SORCS2: variants seen among roughly 807,000 people sequenced by gnomAD.
The protein encoded by SORCS2 is VPS10 domain-containing receptor SorCS2.
SORCS2 carries 100 observed loss-of-function variants against 141.6 expected under a neutral mutation model. The observed-to-expected ratio is 0.71, with a 90% CI of 0.60 to 0.83. The LOEUF is 0.83. SORCS2 is among the 40% of genes least tolerant of loss of function. SORCS2 has a pLI of 0.00. For synonymous variants in SORCS2, 789 were observed against 676.9 expected (o/e 1.17, Z -2.57); for missense variants, 1,646 against 1,560.2 (o/e 1.05, Z -0.93).
intron 2 of SORCS2, among the ~76,000 whole-genome samples, chr4:7,413,536 C>T (rs994626534): frequency 5.9e-5 from 9 of 151,674 alleles, no homozygotes; most frequent in African/African-American, 9.7e-5. Context: ...TACATGCGCC[C>T]GCCACCATGC....
chr4:7,419,599 G>A (rs1725910240), intron 2 of SORCS2, among the ~76,000 whole-genome samples: 1 of 152,244 alleles, frequency 6.6e-6, no homozygotes, highest in African/African-American at 2.4e-5. Context: ...ATTTCTTCCT[G>A]TGGAAGCTCA....
chr4:7,622,789 T>A (rs1453825047), intron 3 of SORCS2, among the ~76,000 whole-genome samples: 2 of 152,088 alleles, frequency 1.3e-5, no homozygotes, highest in South Asian at 4.2e-4. Context: ...CTGGGAAATC[T>A]CCCACTCCAG....
chr4:7,425,030 T>C (rs1265053518), intron 2 of SORCS2, among the ~76,000 whole-genome samples: 2 of 152,184 alleles, frequency 1.3e-5, no homozygotes, highest in African/African-American at 4.8e-5. Context: ...TGGGCCGAGC[T>C]CAGGGACACA....
rs1560170177 is a variant in SORCS2, at chr4:7,294,676, TCC to T, written c.480+101551_480+101552del. 2.6e-3 allele frequency among the ~76,000 whole-genome samples: 266 copies of T among 100,962 alleles called. 4 individuals carry two copies. Among genetic ancestry groups the T allele is most frequent in the African/African-American group, 0.01 (258 of 25,720 alleles). 66.2% of individuals were successfully genotyped at this position (100,962 alleles called of 152,430 possible). A position where few individuals can be genotyped will look rare whatever the true frequency, so the allele number is the denominator to read the frequency against. On this transcript the variant is annotated intron_variant, in intron 1 of 26. Coordinates refer to ENST00000507866, the MANE Select transcript of SORCS2 (RefSeq NM_020777.3). ...CTCTCCCTCTTCCTCTCCCTCCTCC[TCC>T]TCCTCCTCCCCCTCATCCTCTCCCT...
chr4:7,482,873 G>T (rs2109376014), intron 2 of SORCS2, among the ~76,000 whole-genome samples: 1 of 151,726 alleles, frequency 6.6e-6, no homozygotes, highest in African/African-American at 2.4e-5. Context: ...ACCCCTGGCT[G>T]CTGTGGTGGG....
chr4:7,606,596 C>T (rs958012929), intron 3 of SORCS2, among the ~76,000 whole-genome samples: 4 of 152,078 alleles, frequency 2.6e-5, no homozygotes, highest in African/African-American at 9.7e-5. Context: ...GAGGTGCGTC[C>T]TGTGCCTTGA....
intron 3 of SORCS2, among the ~76,000 whole-genome samples, chr4:7,589,178 A>G (rs1032400303): frequency 1.3e-5 from 2 of 152,210 alleles, no homozygotes; most frequent in African/African-American, 4.8e-5. Context: ...AGAAGCCTGC[A>G]AAGTCTATCT....
chr4:7,447,585 G>T (rs1490032963), intron 2 of SORCS2, among the ~76,000 whole-genome samples: 2 of 151,870 alleles, frequency 1.3e-5, no homozygotes, highest in East Asian at 3.9e-4. Flanking sequence ...TGTTTTGCAG[G>T]GAGAGATAGA....
chr4:7,708,456 G>A (rs1294171507), intron 14 of SORCS2, among the ~76,000 whole-genome samples: 3 of 152,272 alleles, frequency 2.0e-5, no homozygotes, highest in African/African-American at 7.2e-5. Flanking sequence ...TACCCGCCAC[G>A]GGTGGGTCCC....
chr4:7,734,331 G>A lies in SORCS2; in HGVS notation c.3268G>A (p.Gly1090Arg). 6.3e-7 allele frequency: 1 copy of A among 1,597,458 alleles called. No individual in the cohort carries two copies. The highest frequency in any genetic ancestry group is 2.3e-5 in the East Asian group (1 of 44,246). Residue 1090 changes from glycine (G) to arginine (R), a missense_variant, in exon 25 of 27, where the codon GGG becomes AGG. Coordinates refer to ENST00000507866, the MANE Select transcript of SORCS2 (RefSeq NM_020777.3). ...YWAVVVLFVI[G>R]LFAAGAFILY... ...GGCGGTAGTGGTGCTGTTTGTCATC[G>A]GGCTCTTCGCAGCGGGAGCCTTCAT...
chr4:7,210,793 C>G (rs1728018312), intron 1 of SORCS2, among the ~76,000 whole-genome samples: 1 of 152,262 alleles, frequency 6.6e-6, no homozygotes, highest in South Asian at 2.1e-4. Context: ...TTGCACCAAG[C>G]AGTGTCCACT....
intron 2 of SORCS2, among the ~76,000 whole-genome samples, chr4:7,411,201 A>G (rs1174845720): frequency 2.0e-5 from 3 of 150,960 alleles, no homozygotes; most frequent in Non-Finnish European, 3.0e-5. Flanking sequence ...TGATCCACCC[A>G]CCTTGGCCTC....
chr4:7,691,415 G>A (rs1278704264), intron 11 of SORCS2, among the ~76,000 whole-genome samples: 1 of 152,220 alleles, frequency 6.6e-6, no homozygotes, highest in East Asian at 1.9e-4. Flanking sequence ...AGTGCAGGGA[G>A]TGGCTGGAGG....
intron 3 of SORCS2, among the ~76,000 whole-genome samples, chr4:7,589,984 A>G (rs1187809829): frequency 6.6e-6 from 1 of 152,140 alleles, no homozygotes; most frequent in African/African-American, 2.4e-5. Flanking sequence ...GGGCTATTGG[A>G]GCAGCAAGGA....
chr4:7,574,920 C>T (rs73214678), intron 3 of SORCS2, among the ~76,000 whole-genome samples: 2 of 152,122 alleles, frequency 1.3e-5, no homozygotes, highest in Non-Finnish European at 2.9e-5. Context: ...GCAGAAAAGT[C>T]GCCATGTCCC....
At chr4:7,427,143 G>A (rs1726499552) in intron 2 of SORCS2, among the ~76,000 whole-genome samples, 1 of 152,112 alleles carries the variant, frequency 6.6e-6, no homozygotes, top group South Asian at 2.1e-4. Flanking sequence ...GGCGCAGCCG[G>A]AGCTCCAGGG....
intron 1 of SORCS2, among the ~76,000 whole-genome samples, chr4:7,341,458 T>C (rs990062855): frequency 1.3e-5 from 2 of 152,234 alleles, no homozygotes; most frequent in Admixed American, 6.5e-5. Context: ...AGGTTTGGCC[T>C]TCCTGGCTGG....
intron 1 of SORCS2, among the ~76,000 whole-genome samples, chr4:7,317,463 T>A (rs1718633188): frequency 6.6e-6 from 1 of 152,210 alleles, no homozygotes; most frequent in Non-Finnish European, 1.5e-5. Context: ...GCATGTCCAA[T>A]CTGGGCCCCC....
At chr4:7,662,562 G>A (rs1281728543) in intron 6 of SORCS2, among the ~76,000 whole-genome samples, 1 of 152,190 alleles carries the variant, frequency 6.6e-6, no homozygotes, top group African/African-American at 2.4e-5. Context: ...CACCTAGCCA[G>A]ATGCCAGGGT....
Sources: gnomAD v4.1 joint callset for allele counts (sites outside exome capture counted in the v4.1 genomes callset) on GRCh38, gnomAD v4.1.1 for gene constraint, MANE v1.5 for transcripts, NCBI Gene and HGNC (gene_info 2026-07-23, HGNC 2026-07-21) for gene names.